CACNA2D3: variants seen among roughly 807,000 people sequenced by gnomAD.
CACNA2D3 encodes voltage-dependent calcium channel subunit alpha-2/delta-3.
Under a neutral mutation model 160.6 loss-of-function variants are expected in CACNA2D3, and 60 were observed. The ratio of observed to expected loss-of-function variants is 0.37; its 90% CI spans 0.30 to 0.46. The LOEUF (loss-of-function observed/expected upper bound fraction) is 0.46, where lower values mean the gene tolerates loss of function less well. CACNA2D3 is among the 20% of genes least tolerant of loss of function. CACNA2D3 has a pLI of 1.00. For missense variants in CACNA2D3, 1,205 were observed against 1,365.0 expected (o/e 0.88, Z 1.85); for synonymous variants, 558 against 492.9 (o/e 1.13, Z -1.75).
intron 35 of CACNA2D3, among the ~76,000 whole-genome samples, chr3:55,025,182 TAAAG>T (rs1365451096): frequency 2.0e-5 from 3 of 151,956 alleles, no homozygotes; most frequent in East Asian, 1.9e-4. Flanking sequence ...AATTAGAAAA[TAAAG>T]AAAGAAATGC....
At chr3:54,724,600 C>T (rs2106997034) in intron 11 of CACNA2D3, among the ~76,000 whole-genome samples, 1 of 152,208 alleles carries the variant, frequency 6.6e-6, no homozygotes. Context: ...AACTCTAGAA[C>T]TCAGGATTAA....
At chr3:54,944,165 T>G (rs1320053639) in intron 27 of CACNA2D3, among the ~76,000 whole-genome samples, 1 of 152,190 alleles carries the variant, frequency 6.6e-6, no homozygotes, top group African/African-American at 2.4e-5. Context: ...CTAGAAGCTT[T>G]CTGCATGTTC....
chr3:55,024,690 C>G (rs187654538), intron 35 of CACNA2D3, among the ~76,000 whole-genome samples: 1 of 151,948 alleles, frequency 6.6e-6, no homozygotes, highest in African/African-American at 2.4e-5. Flanking sequence ...TATAAATTAC[C>G]CACTCTGAGA....
At chr3:54,825,014 C>T (rs1056330669) in intron 14 of CACNA2D3, among the ~76,000 whole-genome samples, 3 of 152,158 alleles carry the variant, frequency 2.0e-5, no homozygotes, top group Non-Finnish European at 4.4e-5. Flanking sequence ...AATCCAGTGT[C>T]TTCTTTCAAA....
intron 2 of CACNA2D3, among the ~76,000 whole-genome samples, chr3:54,211,240 A>G (rs1235897092): frequency 6.6e-6 from 1 of 152,102 alleles, no homozygotes; most frequent in Non-Finnish European, 1.5e-5. Flanking sequence ...TTTCCATTTA[A>G]GAATACATTT....
At position 54,217,476 on chromosome 3, in the gene CACNA2D3, G is replaced by A. The variant is rs149443467; in HGVS notation, c.204+93882G>A. ...ATTTAGAAAAAGTGTCTTTGGAGGT[G>A]TAATTAAATATTGTGAGATGAGGAG... On this transcript the variant is annotated intron_variant, in intron 2 of 37. Transcript: ENST00000474759. 7.2e-3 allele frequency among the ~76,000 whole-genome samples: 1,099 copies of A among 152,298 alleles called. 15 individuals carry two copies. Among genetic ancestry groups the A allele is most frequent in the African/African-American group, 0.023 (973 of 41,562 alleles).
At chr3:54,913,794 A>C (rs1188191688) in intron 27 of CACNA2D3, among the ~76,000 whole-genome samples, 3 of 151,982 alleles carry the variant, frequency 2.0e-5, no homozygotes, top group Non-Finnish European at 2.9e-5. Flanking sequence ...CCAGATTCCC[A>C]CTCCACCATT....
At chr3:54,688,383 T>C (rs1215182356) in intron 11 of CACNA2D3, among the ~76,000 whole-genome samples, 1 of 152,106 alleles carries the variant, frequency 6.6e-6, no homozygotes, top group African/African-American at 2.4e-5. Context: ...ACTTTCTCTT[T>C]TTCCTGTGCC....
chr3:54,992,789 A>G lies in CACNA2D3; in HGVS notation c.2690+5036A>G, dbSNP rs111678141. 3.5e-3 allele frequency among the ~76,000 whole-genome samples: 539 copies of G among 151,960 alleles called. 2 individuals are homozygous for G. The highest frequency in any genetic ancestry group is 0.012 in the African/African-American group (506 of 41,414). On this transcript the variant is annotated intron_variant, in intron 31 of 37. Transcript: ENST00000474759. ...AATACCTGAACAACAAGAAAAAAAAAAAAAAGAAAAAAGCAGTACCTGAGA... is the reference window on the plus strand; with the variant it reads ...AATACCTGAACAACAAGAAAAAAAAGAAAAAGAAAAAAGCAGTACCTGAGA...
intron 3 of CACNA2D3, among the ~76,000 whole-genome samples, chr3:54,368,277 C>G (rs1698860544): frequency 6.6e-6 from 1 of 152,146 alleles, no homozygotes; most frequent in Non-Finnish European, 1.5e-5. Context: ...CTAGACCAGC[C>G]TAGGCAATGT....
chr3:54,665,177 C>T (rs1300571483), intron 11 of CACNA2D3, among the ~76,000 whole-genome samples: 2 of 152,232 alleles, frequency 1.3e-5, no homozygotes, highest in African/African-American at 2.4e-5. Context: ...GCTGTGGAAA[C>T]GACATGTCCT....
chr3:54,387,409 TG>T (rs1699206340), intron 4 of CACNA2D3, among the ~76,000 whole-genome samples: 1 of 152,178 alleles, frequency 6.6e-6, no homozygotes, highest in Non-Finnish European at 1.5e-5. Flanking sequence ...CCTAGCACTT[TG>T]GGAGACTGAG....
intron 14 of CACNA2D3, among the ~76,000 whole-genome samples, chr3:54,825,516 G>A (rs1234542944): frequency 6.6e-6 from 1 of 152,084 alleles, no homozygotes; most frequent in Non-Finnish European, 1.5e-5. Flanking sequence ...GTATTTCTTG[G>A]TAGATTTAGA....
intron 13 of CACNA2D3, among the ~76,000 whole-genome samples, chr3:54,802,188 T>A (rs983784878): frequency 1.1e-4 from 16 of 152,102 alleles, no homozygotes; most frequent in African/African-American, 3.9e-4. Context: ...GAGAGGTCAC[T>A]CAATTAGGGA....
At chr3:54,130,322 G>A (rs1369012662) in intron 2 of CACNA2D3, among the ~76,000 whole-genome samples, 2 of 152,168 alleles carry the variant, frequency 1.3e-5, no homozygotes, top group African/African-American at 4.8e-5. Flanking sequence ...TATTTTATGA[G>A]TAACAGGTCA....
chr3:55,009,168 T>C (rs1703159106), intron 33 of CACNA2D3, among the ~76,000 whole-genome samples: 1 of 152,200 alleles, frequency 6.6e-6, no homozygotes, highest in Non-Finnish European at 1.5e-5. Context: ...TCTAGGAATC[T>C]TTGAGTCTAG....
At chr3:54,504,033 A>G (rs1038602191) in intron 5 of CACNA2D3, among the ~76,000 whole-genome samples, 2 of 152,204 alleles carry the variant, frequency 1.3e-5, no homozygotes, top group African/African-American at 4.8e-5. Flanking sequence ...AAATTTATCT[A>G]CAAAAAGAGA....
intron 5 of CACNA2D3, among the ~76,000 whole-genome samples, chr3:54,550,364 G>A (rs1045800465): frequency 6.6e-6 from 1 of 152,190 alleles, no homozygotes; most frequent in Non-Finnish European, 1.5e-5. Context: ...AATAGCCTGG[G>A]CCTTCCCCGG....
chr3:54,169,759 T>TTGTGTG (rs563052998), intron 2 of CACNA2D3, among the ~76,000 whole-genome samples: 2 of 150,258 alleles, frequency 1.3e-5, no homozygotes, highest in South Asian at 4.2e-4. Context: ...GTGTGTGTGT[T>TTGTGTG]TGTGTGTGTG....
Sources: gnomAD v4.1 joint callset for allele counts (sites outside exome capture counted in the v4.1 genomes callset) on GRCh38, gnomAD v4.1.1 for gene constraint, MANE v1.5 for transcripts, NCBI Gene and HGNC (gene_info 2026-07-23, HGNC 2026-07-21) for gene names.